ITGA2: variants seen among roughly 807,000 people sequenced by gnomAD.
ITGA2 encodes the protein integrin alpha-2.
In ITGA2, 101 loss-of-function variants were observed where a neutral mutation model predicts 146.3. The observed-to-expected ratio is 0.69, with a 90% CI of 0.59 to 0.81. The LOEUF (loss-of-function observed/expected upper bound fraction) is 0.81. Among genes scored for constraint, ITGA2 ranks in the 40% least tolerant of loss-of-function variants. The pLI is 0.00. For synonymous variants in ITGA2, 477 were observed against 487.1 expected (o/e 0.98, Z 0.27); for missense variants, 1,281 against 1,402.7 (o/e 0.91, Z 1.39).
intron 15 of ITGA2, 70 bp downstream of exon 15, chr5:53,066,047 A>G: frequency 7.1e-7 from 1 of 1,408,156 alleles, no homozygotes. Flanking sequence ...AGATGTCTGT[A>G]CTGGTATTAT....
chr5:53,057,519 A>G (rs1368967800), intron 9 of ITGA2, among the ~76,000 whole-genome samples: 3 of 151,976 alleles, frequency 2.0e-5, no homozygotes, highest in Admixed American at 6.6e-5. Flanking sequence ...TTGAATTCTG[A>G]TTCCTAATAG....
intron 9 of ITGA2, among the ~76,000 whole-genome samples, chr5:53,057,675 T>TA (rs1309595324): frequency 1.3e-5 from 2 of 151,996 alleles, no homozygotes; most frequent in Non-Finnish European, 2.9e-5. Flanking sequence ...ATCAAGTTTT[T>TA]AAAAAATTAT....
Position 53,051,427 on chromosome 5 carries a change from A to T in ITGA2, c.647A>T (p.Tyr216Phe). 1 of 1,613,538 alleles carries T rather than the reference A, an allele frequency of 6.2e-7. No homozygotes were observed. Among genetic ancestry groups the T allele is most frequent in the Non-Finnish European group, 8.5e-7 (1 of 1,179,610 alleles). The change falls in exon 7 of 30, where the codon TAT (tyrosine) becomes TTT (phenylalanine). Residue 216 changes from tyrosine to phenylalanine, a missense_variant. Tyr to Phe is a conservative substitution (Grantham distance 22). This residue lies in a region of ITGA2 where 795 missense variants were observed against 841.7 expected (regional missense o/e 0.94). Coordinates refer to ENST00000296585, the MANE Select transcript of ITGA2 (RefSeq NM_002203.4). ...CTGTTGAAGGTGGGGTTAATTCAGT[A>T]TGCCAATAATCCAAGAGTTGTGTTT... ...PTKTQVGLIQ[Y>F]ANNPRVVFNL...
At chr5:53,055,103 C>A (rs571624071) in intron 7 of ITGA2, among the ~76,000 whole-genome samples, 1 of 151,856 alleles carries the variant, frequency 6.6e-6, no homozygotes, top group Non-Finnish European at 1.5e-5. Context: ...TGGTTTATAC[C>A]TTTCCAAATA....
intron 27 of ITGA2, 136 bp from the exon 28 acceptor site, chr5:53,086,816 G>C: frequency 1.4e-6 from 1 of 729,250 alleles, no homozygotes; most frequent in Non-Finnish European, 2.4e-6. Flanking sequence ...AGCACACACA[G>C]ATTCTGGATG....
At chr5:53,001,537 C>T (rs566511999) in intron 1 of ITGA2, among the ~76,000 whole-genome samples, 5 of 152,232 alleles carry the variant, frequency 3.3e-5, no homozygotes, top group East Asian at 3.9e-4. Context: ...ATTGGCAAAT[C>T]GCTTTCTTCA....
intron 1 of ITGA2, among the ~76,000 whole-genome samples, chr5:52,994,357 T>C (rs532065587): frequency 6.6e-6 from 1 of 152,298 alleles, no homozygotes; most frequent in South Asian, 2.1e-4. Flanking sequence ...TTTATTGAGT[T>C]ACCATCCTCT....
chr5:53,032,575 A>G (rs983437012), intron 2 of ITGA2, among the ~76,000 whole-genome samples: 3 of 152,220 alleles, frequency 2.0e-5, no homozygotes, highest in African/African-American at 4.8e-5. Flanking sequence ...CCAAACGTAC[A>G]TATTTTTGTA....
chr5:53,083,420 G>A lies in ITGA2; in HGVS notation c.3225G>A (p.Val1075=). The A allele has an allele frequency of 1.2e-6, 2 of 1,611,926 alleles. No individual in the cohort carries two copies. ...VHMKGEYFVN[V]TTRIWNGTFA... is the part of the protein sequence containing the mutation. ...TGAAAGGAGAATACTTTGTTAATGTGACTACCAGAATTTGGAACGGGACTT... is the reference window on the plus strand; with the variant it reads ...TGAAAGGAGAATACTTTGTTAATGTAACTACCAGAATTTGGAACGGGACTT... The change falls in exon 27 of 30, where the codon GTG becomes GTA. Residue 1075 remains valine (V), a synonymous_variant. Transcript: ENST00000296585.
At chr5:53,008,087 G>A (rs369910411) in intron 1 of ITGA2, among the ~76,000 whole-genome samples, 130 of 151,710 alleles carry the variant, frequency 8.6e-4, no homozygotes, top group African/African-American at 2.7e-3. Context: ...TAGTCAGCTC[G>A]GGTTATCATA....
chr5:53,066,346 CAAGTA>C (rs1308020313), intron 15 of ITGA2, among the ~76,000 whole-genome samples: 1 of 151,856 alleles, frequency 6.6e-6, no homozygotes, highest in Non-Finnish European at 1.5e-5. Flanking sequence ...TCAGACCACA[CAAGTA>C]AAGTGTAACT....
Position 53,026,707 on chromosome 5 carries a change from A to C in ITGA2, c.65-41A>C, listed in dbSNP as rs1742964479. On this transcript the variant is annotated intron_variant, in intron 1 of 29. Transcript: ENST00000296585. ...AGAATTATACGACACACTTATATTC[A>C]TGAATTGTAAATATGTGCTATTTCA... 4 of 1,554,594 alleles carry C rather than the reference A, an allele frequency of 2.6e-6. No homozygotes were observed. The Admixed American group carries it at 6.7e-5, about 26-fold the overall frequency.
intron 16 of ITGA2, among the ~76,000 whole-genome samples, chr5:53,069,376 A>C (rs1745283792): frequency 6.6e-6 from 1 of 151,876 alleles, no homozygotes; most frequent in South Asian, 2.1e-4. Flanking sequence ...AGAGCTCATA[A>C]ACAGCAGAAT....
At chr5:53,045,497 T>G (rs1744031551) in intron 4 of ITGA2, among the ~76,000 whole-genome samples, 1 of 152,208 alleles carries the variant, frequency 6.6e-6, no homozygotes, top group South Asian at 2.1e-4. Context: ...TGGTGTTATC[T>G]GAGGCATGGA....
rs1745596702 is a variant in ITGA2, at chr5:53,075,075, T to A, written c.2679T>A (p.Ile893=). ...TTTGTCTTTAGGTGACTTTTACTATTAACTTTGACTTCAATCTTCAAAACC... is the reference window on the plus strand; with the variant it reads ...TTTGTCTTTAGGTGACTTTTACTATAAACTTTGACTTCAATCTTCAAAACC... ...LKREQQVTFT[I]NFDFNLQNLQ... Residue 893 remains isoleucine (I), a synonymous_variant, in exon 22 of 30, where the codon ATT becomes ATA. Transcript: ENST00000296585. The A allele has an allele frequency of 6.2e-7, 1 of 1,610,092 alleles. No homozygotes were observed. The highest frequency in any genetic ancestry group is 1.3e-5 in the African/African-American group (1 of 74,758).
chr5:53,031,680 C>T (rs1743230634), intron 2 of ITGA2, among the ~76,000 whole-genome samples: 1 of 152,162 alleles, frequency 6.6e-6, no homozygotes, highest in African/African-American at 2.4e-5. Flanking sequence ...TTTGATAATT[C>T]TGGAGCCTTT....
intron 1 of ITGA2, among the ~76,000 whole-genome samples, chr5:53,024,719 G>T (rs915607175): frequency 1.3e-5 from 2 of 152,174 alleles, no homozygotes; most frequent in South Asian, 4.1e-4. Context: ...GCTGCAAAGC[G>T]CATAAGCAGA....
At chr5:53,034,903 C>G (rs565985712) in intron 2 of ITGA2, among the ~76,000 whole-genome samples, 3 of 152,098 alleles carry the variant, frequency 2.0e-5, no homozygotes, top group Admixed American at 6.6e-5. Context: ...TAAAAAGAAC[C>G]AGCAATTTTG....
chr5:53,083,061 G>A (rs184861743), intron 26 of ITGA2, among the ~76,000 whole-genome samples: 1 of 152,156 alleles, frequency 6.6e-6, no homozygotes, highest in African/African-American at 2.4e-5. Context: ...AAACAGGCTT[G>A]GGGTACTTTG....
Sources: allele counts gnomAD v4.1 joint callset (sites outside exome capture counted in the v4.1 genomes callset), GRCh38; gene constraint gnomAD v4.1.1; regional missense constraint gnomAD v4.1.1; transcripts MANE v1.5; gene names NCBI Gene and HGNC (gene_info 2026-07-23, HGNC 2026-07-21).